The following TMTC3 variants were observed in gnomAD, a reference collection of about 807,000 sequenced individuals.
The protein encoded by TMTC3 is protein O-mannosyl-transferase TMTC3.
Under a neutral mutation model 92.2 loss-of-function variants are expected in TMTC3, and 52 were observed. That is an observed-to-expected ratio of 0.56 (90% confidence interval 0.45 to 0.71). The LOEUF is 0.71. TMTC3 is among the 30% of genes least tolerant of loss of function. The pLI, the probability that TMTC3 is intolerant of heterozygous loss-of-function variation, is 0.00. For synonymous variants in TMTC3, 339 were observed against 363.3 expected (o/e 0.93, Z 0.76); for missense variants, 896 against 1,057.1 (o/e 0.85, Z 2.11).
chr12:88,179,020 T>G (rs2138418689), intron 10 of TMTC3, among the ~76,000 whole-genome samples: 1 of 152,332 alleles, frequency 6.6e-6, no homozygotes, highest in South Asian at 2.1e-4. Flanking sequence ...CTAATTGCTG[T>G]TTTTGAGATA....
intron 10 of TMTC3, among the ~76,000 whole-genome samples, chr12:88,180,179 G>A (rs954193482): frequency 2.0e-5 from 3 of 152,118 alleles, no homozygotes; most frequent in African/African-American, 4.8e-5. Flanking sequence ...CTCGTATTCC[G>A]GCTTTGCATC....
At chr12:88,175,192 C>T (rs2041246433) in intron 9 of TMTC3, among the ~76,000 whole-genome samples, 2 of 150,806 alleles carry the variant, frequency 1.3e-5, no homozygotes, top group African/African-American at 4.9e-5. Flanking sequence ...AAAAAGGCAC[C>T]CAATGATGTG....
intron 1 of TMTC3, among the ~76,000 whole-genome samples, chr12:88,145,352 G>T (rs2040860145): frequency 6.6e-6 from 1 of 152,050 alleles, no homozygotes; most frequent in Non-Finnish European, 1.5e-5. Flanking sequence ...ACTCATTCTT[G>T]TCCATGAAAT....
intron 6 of TMTC3, among the ~76,000 whole-genome samples, chr12:88,164,345 A>G (rs1461457091): frequency 6.6e-6 from 1 of 151,460 alleles, no homozygotes; most frequent in East Asian, 1.9e-4. Context: ...CCAACTTCAT[A>G]CTCTCAATTC....
At chr12:88,180,813 C>T (rs1027636805) in intron 10 of TMTC3, among the ~76,000 whole-genome samples, 17 of 152,094 alleles carry the variant, frequency 1.1e-4, no homozygotes, top group Admixed American at 1.1e-3. Context: ...ATCATTTGGA[C>T]CACACCATAC....
In TMTC3 at chr12:88,195,314, G is replaced by A. The variant is rs748664360; in HGVS notation, c.2410G>A (p.Glu804Lys). Residue 804 changes from glutamate to lysine, a missense_variant, in exon 14 of 14, where the codon GAA becomes AAA. Coordinates refer to ENST00000266712, the MANE Select transcript of TMTC3 (RefSeq NM_181783.4). ...TGAAACACTGGCATTAGCACCACAT[G>A]AAGAATATATTCAGCGCCATTTGAA... ...LLETLALAPH[E>K]EYIQRHLNIV... The A allele has an allele frequency of 6.2e-7, 1 of 1,613,830 alleles. No individual in the cohort carries two copies. Among genetic ancestry groups the A allele is most frequent in the African/African-American group, 1.3e-5 (1 of 75,010 alleles).
chr12:88,181,754 GGGCCAATATTAA>G (rs1405921286), intron 10 of TMTC3, among the ~76,000 whole-genome samples: 1 of 152,158 alleles, frequency 6.6e-6, no homozygotes, highest in Admixed American at 6.5e-5. Flanking sequence ...AAGGTCTCCA[GGGCCAATATTAA>G]GGCTCCAACC....
chr12:88,167,147 C>T (rs1365121241), intron 7 of TMTC3, among the ~76,000 whole-genome samples: 1 of 152,032 alleles, frequency 6.6e-6, no homozygotes, highest in African/African-American at 2.4e-5. Flanking sequence ...GTAATCCCAG[C>T]ACTTTGAGAG....
intron 1 of TMTC3, among the ~76,000 whole-genome samples, chr12:88,144,825 C>T (rs1027010120): frequency 6.6e-6 from 1 of 152,202 alleles, no homozygotes; most frequent in East Asian, 1.9e-4. Context: ...GGAAATTTAA[C>T]TCAGGTTCTA....
chr12:88,184,278 C>T (rs1351867049), intron 10 of TMTC3, among the ~76,000 whole-genome samples: 1 of 152,058 alleles, frequency 6.6e-6, no homozygotes, highest in Non-Finnish European at 1.5e-5. Flanking sequence ...TGTCGACCCC[C>T]CAAGTAGAGA....
rs1326811348 is a variant in TMTC3, at chr12:88,197,965, G to T, written c.*2316G>T. 5.9e-6 allele frequency: 1 copy of T among 170,532 alleles called. No homozygotes were observed. The highest frequency in any genetic ancestry group is 1.2e-5 in the Non-Finnish European group (1 of 80,628). The allele number at this position is 170,532 out of a possible 1,614,324, so 10.6% of individuals were successfully genotyped here. On this transcript the variant is annotated 3_prime_UTR_variant, in exon 14 of 14. Coordinates refer to ENST00000266712, the MANE Select transcript of TMTC3 (RefSeq NM_181783.4). The stretch of plus-strand genomic sequence containing the variant: ...TTGAAGACCACTGCTCTAAATTAGT[G>T]CAGGAAAATGCTTTTATTTCTCCCA...
chr12:88,195,416 G>A lies in TMTC3; in HGVS notation c.2512G>A (p.Gly838Arg), dbSNP rs1386761157. Residue 838 changes from glycine (G) to arginine (R), a missense_variant, in exon 14 of 14, where the codon GGA becomes AGA. Transcript: ENST00000266712. ...AACCAGTAAGATTTCAAGTGTGGAAGGAAAGAAAATTCCAACTGAAAGTGT... is the reference window on the plus strand; with the variant it reads ...AACCAGTAAGATTTCAAGTGTGGAAAGAAAGAAAATTCCAACTGAAAGTGT... ...FPTSKISSVE[G>R]KKIPTESVKE... is the part of the protein sequence containing the mutation. The A allele has an allele frequency of 1.2e-6, 2 of 1,613,352 alleles. No homozygotes were observed. Among genetic ancestry groups the A allele is most frequent in the African/African-American group, 2.7e-5 (2 of 74,976 alleles).
At chr12:88,163,531 A>C (rs1193697661) in intron 6 of TMTC3, among the ~76,000 whole-genome samples, 1 of 152,218 alleles carries the variant, frequency 6.6e-6, no homozygotes, top group Non-Finnish European at 1.5e-5. Context: ...ATACCAAATC[A>C]GTATGTCAGC....
chr12:88,198,621 T>A lies in TMTC3; in HGVS notation c.*2972T>A, dbSNP rs1404038982. ...TCAATTTTGTGTTTGTTTACTTTTA[T>A]GTAAAAATTTGATATGTGAATTACA... On this transcript the variant is annotated 3_prime_UTR_variant, in exon 14 of 14. Transcript: ENST00000266712. The A allele has an allele frequency of 2.6e-6, 1 of 385,924 alleles. No individual in the cohort carries two copies. Among genetic ancestry groups the A allele is most frequent in the African/African-American group, 2.1e-5 (1 of 48,398 alleles). The allele number at this position is 385,924 out of a possible 1,614,324, so 23.9% of individuals were successfully genotyped here.
At chr12:88,186,049 A>C (rs1232987820) in intron 10 of TMTC3, among the ~76,000 whole-genome samples, 1 of 152,176 alleles carries the variant, frequency 6.6e-6, no homozygotes, top group East Asian at 1.9e-4. Context: ...TGGACAGGAA[A>C]TACTGAAACT....
intron 10 of TMTC3, among the ~76,000 whole-genome samples, chr12:88,185,652 G>C (rs1002994182): frequency 6.0e-5 from 9 of 150,982 alleles, no homozygotes; most frequent in Admixed American, 2.0e-4. Context: ...CTTTTTAAAG[G>C]CTGCTAAATT....
In TMTC3 at chr12:88,176,226, A is replaced by C; in HGVS notation, c.1339A>C (p.Lys447Gln). Residue 447 changes from lysine to glutamine, a missense_variant, in exon 10 of 14, where the codon AAA (lysine) becomes CAA (glutamine). Transcript: ENST00000266712. ...ATTTAAGGTAAATAAAAATAATGCC[A>C]AACTTTGGAATAATGTGGGTCATGC... ...SALKVNKNNA[K>Q]LWNNVGHALE... 1 of 1,608,762 alleles carries C rather than the reference A, an allele frequency of 6.2e-7. No individual in the cohort carries two copies. The highest frequency in any genetic ancestry group is 8.5e-7 in the Non-Finnish European group (1 of 1,177,892).
In TMTC3 at chr12:88,174,496, CAT is replaced by C. The variant is rs141251598; in HGVS notation, c.1200-108_1200-107del. The C allele has an allele frequency of 4.0e-3, 4,927 of 1,224,232 alleles. 147 individuals are homozygous for C. The African/African-American group carries it at 0.068, about 17-fold the overall frequency. 75.8% of individuals were successfully genotyped at this position (1,224,232 alleles called of 1,614,324 possible). ...ATTAGAATGAATTAGAATAAATTAA[CAT>C]ATGATATTTTAGGAGCATTTAAGAT... is the stretch of plus-strand genomic sequence containing the variant. On this transcript the variant is annotated intron_variant, in intron 8 of 13. Coordinates refer to ENST00000266712, the MANE Select transcript of TMTC3 (RefSeq NM_181783.4).
At chr12:88,182,176 C>T (rs1054033982) in intron 10 of TMTC3, among the ~76,000 whole-genome samples, 6 of 152,170 alleles carry the variant, frequency 3.9e-5, no homozygotes, top group Non-Finnish European at 8.8e-5. Context: ...AGTCCCAGTA[C>T]GTGAGCAAAA....
Sources: allele counts gnomAD v4.1 joint callset (sites outside exome capture counted in the v4.1 genomes callset), GRCh38; gene constraint gnomAD v4.1.1; transcripts MANE v1.5; gene names NCBI Gene and HGNC (gene_info 2026-07-23, HGNC 2026-07-21).